Variants in ADGRB3 observed in about 807,000 individuals in gnomAD.
ADGRB3 encodes adhesion G protein-coupled receptor B3.
In ADGRB3, 37 loss-of-function variants were observed where a neutral mutation model predicts 193.4. That is an observed-to-expected ratio of 0.19 (90% CI 0.15 to 0.25). ADGRB3 has a LOEUF of 0.25. Among genes scored for constraint, ADGRB3 ranks in the 10% least tolerant of loss-of-function variants. The pLI, the probability that ADGRB3 is intolerant of heterozygous loss-of-function variation, is 1.00. For synonymous variants in ADGRB3, 690 were observed against 644.2 expected (o/e 1.07, Z -1.08); for missense variants, 1,637 against 1,852.9 (o/e 0.88, Z 2.14).
intron 17 of ADGRB3, among the ~76,000 whole-genome samples, chr6:69,113,982 A>C (rs551095413): frequency 1.1e-4 from 17 of 152,186 alleles, no homozygotes; most frequent in Non-Finnish European, 2.2e-4. Flanking sequence ...GGAATTACTA[A>C]GATGTAAGTC....
At chr6:69,114,534 T>C (rs1205299288) in intron 17 of ADGRB3, among the ~76,000 whole-genome samples, 1 of 152,240 alleles carries the variant, frequency 6.6e-6, no homozygotes, top group Non-Finnish European at 1.5e-5. Flanking sequence ...TTGTCAATTT[T>C]GGCTTTTGTT....
At chr6:69,100,272 T>A (rs1369195906) in intron 17 of ADGRB3, among the ~76,000 whole-genome samples, 1 of 152,184 alleles carries the variant, frequency 6.6e-6, no homozygotes, top group Non-Finnish European at 1.5e-5. Context: ...ATCTTCTTAC[T>A]TTTTGGTTTT....
chr6:69,099,638 G>A (rs1772977775), intron 17 of ADGRB3, among the ~76,000 whole-genome samples: 1 of 152,202 alleles, frequency 6.6e-6, no homozygotes, highest in East Asian at 1.9e-4. Flanking sequence ...TTAAGTGCTT[G>A]TTGATTAATT....
At chr6:68,710,622 A>G (rs925742594) in intron 3 of ADGRB3, among the ~76,000 whole-genome samples, 1 of 152,140 alleles carries the variant, frequency 6.6e-6, no homozygotes, top group African/African-American at 2.4e-5. Flanking sequence ...ATGAACTGGA[A>G]TCAGTACCAA....
chr6:69,130,474 T>G (rs899647162), intron 17 of ADGRB3, among the ~76,000 whole-genome samples: 9 of 150,934 alleles, frequency 6.0e-5, no homozygotes, highest in South Asian at 2.1e-4. Context: ...ACTAGTATTC[T>G]TCCAAGAAAG....
At chr6:69,278,764 G>GTTTTGT (rs962968969) in intron 20 of ADGRB3, among the ~76,000 whole-genome samples, 1 of 151,844 alleles carries the variant, frequency 6.6e-6, no homozygotes, top group South Asian at 2.1e-4. Flanking sequence ...TTTGGTCTCA[G>GTTTTGT]TTTTGTTTTT....
intron 3 of ADGRB3, among the ~76,000 whole-genome samples, chr6:68,651,847 T>C (rs912920176): frequency 6.6e-5 from 10 of 152,120 alleles, no homozygotes; most frequent in Non-Finnish European, 1.2e-4. Flanking sequence ...GAACTATAAA[T>C]CAGTGTCTCC....
intron 20 of ADGRB3, among the ~76,000 whole-genome samples, chr6:69,263,564 T>C (rs543924997): frequency 1.5e-3 from 227 of 152,132 alleles, no homozygotes; most frequent in African/African-American, 5.0e-3. Flanking sequence ...TTGCCTCATG[T>C]GCAAGTCTTG....
intron 3 of ADGRB3, among the ~76,000 whole-genome samples, chr6:68,726,561 C>A (rs913252429): frequency 6.6e-6 from 1 of 151,558 alleles, no homozygotes; most frequent in African/African-American, 2.4e-5. Context: ...TGCTGAGCTG[C>A]ATTTAGATGG....
chr6:69,279,506 CT>C (rs1688329962), intron 20 of ADGRB3, among the ~76,000 whole-genome samples: 1 of 151,774 alleles, frequency 6.6e-6, no homozygotes, highest in Non-Finnish European at 1.5e-5. Context: ...AGTAATGATG[CT>C]TTCTTGCCTA....
chr6:69,290,376 T>C (rs1767640499), intron 20 of ADGRB3, among the ~76,000 whole-genome samples: 1 of 151,860 alleles, frequency 6.6e-6, no homozygotes, highest in South Asian at 2.1e-4. Context: ...AAATAATTGG[T>C]AGCAGGAGCT....
chr6:68,852,053 A>T (rs1006979645), intron 3 of ADGRB3, among the ~76,000 whole-genome samples: 1 of 151,916 alleles, frequency 6.6e-6, no homozygotes, highest in African/African-American at 2.4e-5. Flanking sequence ...AACCTATTGT[A>T]GGTTTATAAG....
At chr6:69,122,619 A>G (rs1773744068) in intron 17 of ADGRB3, among the ~76,000 whole-genome samples, 1 of 152,020 alleles carries the variant, frequency 6.6e-6, no homozygotes, top group Non-Finnish European at 1.5e-5. Flanking sequence ...AAGTCTGCAG[A>G]TAAGTTAAAA....
chr6:68,697,598 T>C (rs1178467951), intron 3 of ADGRB3, among the ~76,000 whole-genome samples: 10 of 152,128 alleles, frequency 6.6e-5, no homozygotes, highest in African/African-American at 1.9e-4. Context: ...TGTATAATGA[T>C]GATTCCTGTC....
chr6:69,254,848 C>A (rs1766716923), intron 20 of ADGRB3, among the ~76,000 whole-genome samples: 1 of 103,350 alleles, frequency 9.7e-6, no homozygotes. Flanking sequence ...CCAATGCTAT[C>A]CCTCCCCCCT....
rs553921110 is a variant in ADGRB3 at position 69,240,290 on chromosome 6, G to C, written c.2814+1064G>C. On this transcript the variant is annotated intron_variant, in intron 20 of 31. Transcript: ENST00000370598. Reference sequence around the variant, plus strand: ...CTTGGCCCACATTGCCCTAGGCCAGGGGAAGGGCCCAAGGGGTAGGCCACT... The same window carrying C: ...CTTGGCCCACATTGCCCTAGGCCAGCGGAAGGGCCCAAGGGGTAGGCCACT... 5.9e-5 allele frequency among the ~76,000 whole-genome samples: 9 copies of C among 152,084 alleles called. No homozygotes were observed. The East Asian group carries it at 1.7e-3, about 29-fold the overall frequency.
chr6:69,061,778 A>AC (rs1771756221), intron 15 of ADGRB3, among the ~76,000 whole-genome samples: 1 of 152,154 alleles, frequency 6.6e-6, no homozygotes, highest in African/African-American at 2.4e-5. Flanking sequence ...AGTTAAAATT[A>AC]AAACAGCAGC....
chr6:68,797,749 T>G lies in ADGRB3; in HGVS notation c.758-132810T>G, dbSNP rs2127369443. The stretch of plus-strand genomic sequence containing the variant: ...AAAAAGAGACAAGACGTCATCCCCT[T>G]CATTAAGTCCTCTCCTCAGATTTTT... On this transcript the variant is annotated intron_variant, in intron 3 of 31. Coordinates refer to ENST00000370598, the MANE Select transcript of ADGRB3 (RefSeq NM_001704.3). 1.3e-5 allele frequency among the ~76,000 whole-genome samples: 2 copies of G among 152,322 alleles called. 1 individual carries two copies. Among genetic ancestry groups the G allele is most frequent in the South Asian group, 4.1e-4 (2 of 4,826 alleles).
intron 13 of ADGRB3, among the ~76,000 whole-genome samples, chr6:69,029,318 T>C (rs1770544195): frequency 6.6e-6 from 1 of 152,222 alleles, no homozygotes; most frequent in Non-Finnish European, 1.5e-5. Flanking sequence ...CAAGTTATGC[T>C]TTCATAAATC....
Sources: allele counts gnomAD v4.1 joint callset (sites outside exome capture counted in the v4.1 genomes callset), GRCh38; gene constraint gnomAD v4.1.1; transcripts MANE v1.5; gene names NCBI Gene and HGNC (gene_info 2026-07-23, HGNC 2026-07-21).